Variants in ZNF341 observed in about 807,000 individuals in gnomAD.
ZNF341 encodes zinc finger protein 341.
In ZNF341, 52 loss-of-function variants were observed where a neutral mutation model predicts 87.7. The observed-to-expected ratio is 0.59, with a 90% CI of 0.47 to 0.75. ZNF341 has a LOEUF of 0.75. Ranked by LOEUF, ZNF341 falls within the 30% of genes least tolerant of loss-of-function variation. The probability of loss-of-function intolerance (pLI) is 0.00; values close to 1 mark genes in which losing one functional copy is unlikely to be tolerated. For missense variants in ZNF341, 977 were observed against 1,145.9 expected (o/e 0.85, Z 2.13); for synonymous variants, 459 against 472.7 (o/e 0.97, Z 0.38).
intron 10 of ZNF341, among the ~76,000 whole-genome samples, chr20:33,773,069 T>C (rs564591409): frequency 1.1e-3 from 166 of 152,248 alleles, no homozygotes; most frequent in African/African-American, 3.8e-3. Flanking sequence ...TGGAGTGAGA[T>C]GCCAAGTAAA....
At position 33,757,190 on chromosome 20, in the gene ZNF341, A is replaced by G; in HGVS notation, c.784A>G (p.Thr262Ala). Residue 262 changes from threonine to alanine, a missense_variant, in exon 6 of 15, where the codon ACA becomes GCA. Around this residue, in one of 3 missense-constraint regions of ZNF341, gnomAD observed 515 missense variants for 598.2 expected, o/e 0.86. Transcript: ENST00000375200. ...GGAGCCTCCAGTATATCCCACCCCC[A>G]CAGTGTACAGCCCTGGCAAACAGGG... ...CVEPPVYPTP[T>A]VYSPGKQGFK... The G allele has an allele frequency of 1.3e-6, 2 of 1,541,796 alleles. No individual in the cohort carries two copies. The highest frequency in any genetic ancestry group is 2.1e-5 in the Admixed American group (1 of 48,154).
At chr20:33,735,317 A>C (rs1372966824) in intron 1 of ZNF341, among the ~76,000 whole-genome samples, 3 of 152,158 alleles carry the variant, frequency 2.0e-5, no homozygotes, top group African/African-American at 7.2e-5. Flanking sequence ...GGCGTGAGGC[A>C]CTGTGTCCAG....
chr20:33,783,358 A>G (rs1285402064), intron 11 of ZNF341, among the ~76,000 whole-genome samples: 1 of 152,042 alleles, frequency 6.6e-6, no homozygotes, highest in African/African-American at 2.4e-5. Context: ...GCTGACTTAA[A>G]AGTGTGGGTG....
chr20:33,740,976 C>T lies in ZNF341; in HGVS notation c.106C>T (p.Gln36Ter). The change falls in exon 2 of 15, where the codon CAG becomes TAG. Residue 36 changes from glutamine to a stop codon, truncating the protein, a stop_gained. Transcript: ENST00000375200. LOFTEE classifies it high-confidence loss of function. The part of the protein sequence containing the change: ...GQGAVPDPTG[Q>*]SVNAPPAIQP... ...AGGAGCAGTCCCTGATCCGACAGGC[C>T]AGAGTGTCAATGCGCCCCCTGCTAT... is the stretch of plus-strand genomic sequence containing the variant. 6.2e-7 allele frequency: 1 copy of T among 1,614,164 alleles called. No homozygotes were observed. The highest frequency in any genetic ancestry group is 8.5e-7 in the Non-Finnish European group (1 of 1,180,038).
chr20:33,750,299 A>C (rs748318859), intron 4 of ZNF341, among the ~76,000 whole-genome samples: 18 of 152,110 alleles, frequency 1.2e-4, no homozygotes, highest in Non-Finnish European at 1.9e-4. Flanking sequence ...AAAGGAACCT[A>C]AGGTGGAGGT....
intron 11 of ZNF341, among the ~76,000 whole-genome samples, chr20:33,782,384 G>A (rs927893114): frequency 1.3e-5 from 2 of 152,086 alleles, no homozygotes; most frequent in Non-Finnish European, 2.9e-5. Context: ...GGTGTTCCCC[G>A]CAGTCTGGAT....
intron 3 of ZNF341, among the ~76,000 whole-genome samples, chr20:33,746,968 G>A (rs1330059235): frequency 6.6e-6 from 1 of 152,104 alleles, no homozygotes; most frequent in African/African-American, 2.4e-5. Flanking sequence ...TTAAACGGAG[G>A]CAGTGACAAA....
intron 9 of ZNF341, 135 bp from the exon 10 acceptor site, chr20:33,769,949 A>G: frequency 1.6e-6 from 1 of 630,956 alleles, no homozygotes; most frequent in Non-Finnish European, 2.8e-6. Context: ...CCTGGGATCC[A>G]GTAGCAGCAG....
chr20:33,732,239 C>T lies in ZNF341; in HGVS notation c.31+187C>T, dbSNP rs1328132846. On this transcript the variant is annotated intron_variant, in intron 1 of 14. Coordinates refer to ENST00000375200, the MANE Select transcript of ZNF341 (RefSeq NM_001282933.2). This position sits in a 1 kb window ranked among gnomAD's most constrained non-coding sequence, Gnocchi z 4.5. ...GAGCCGAGGCCCGGCGGGGGAGCTC[C>T]GGGGCCGGAACAGCCGGGGAGAGCC... Among the ~76,000 whole-genome samples, 31 of 149,912 alleles carry T rather than the reference C, an allele frequency of 2.1e-4. No homozygotes were observed. Among genetic ancestry groups the T allele is most frequent in the African/African-American group, 7.5e-4 (31 of 41,098 alleles).
At chr20:33,740,836 T>C in intron 1 of ZNF341, 66 bp from the exon 2 acceptor site, 1 of 1,482,962 alleles carries the variant, frequency 6.7e-7, no homozygotes, top group Non-Finnish European at 9.4e-7. Context: ...GGGTCTGGCT[T>C]GTAAGGGTGA....
At chr20:33,788,559 G>A (rs1273169466) in intron 12 of ZNF341, 11 of 416,940 alleles carry the variant, frequency 2.6e-5, no homozygotes, top group Admixed American at 1.8e-4. Flanking sequence ...CATCAGCACC[G>A]CCAAACGCAC....
intron 5 of ZNF341, among the ~76,000 whole-genome samples, chr20:33,754,831 A>G (rs2019141632): frequency 6.6e-6 from 1 of 152,182 alleles, no homozygotes; most frequent in Non-Finnish European, 1.5e-5. Context: ...GCTCCTCTAA[A>G]ATGGGAACTC....
intron 2 of ZNF341, among the ~76,000 whole-genome samples, chr20:33,743,813 A>C (rs1046219806): frequency 6.6e-6 from 1 of 152,234 alleles, no homozygotes; most frequent in African/African-American, 2.4e-5. Flanking sequence ...TTAGTTTTTC[A>C]TTCATTCAAC....
chr20:33,758,708 T>A lies in ZNF341; in HGVS notation c.938-8T>A, dbSNP rs1345139984. 6.2e-7 allele frequency: 1 copy of A among 1,612,316 alleles called. No individual in the cohort carries two copies. The highest frequency in any genetic ancestry group is 8.5e-7 in the Non-Finnish European group (1 of 1,179,118). On this transcript the variant is annotated splice_region_variant and splice_polypyrimidine_tract_variant and intron_variant, in intron 6 of 14. Coordinates refer to ENST00000375200, the MANE Select transcript of ZNF341 (RefSeq NM_001282933.2). ...CCTCATTGTCCCCTCCTTCCACTTG[T>A]CTTTCAGCTGCAGGGAAGCCAAAGG...
chr20:33,764,543 G>A (rs1233967616), intron 8 of ZNF341, among the ~76,000 whole-genome samples: 3 of 69,334 alleles, frequency 4.3e-5, no homozygotes, highest in Admixed American at 2.1e-4. Flanking sequence ...GTGTGTATGT[G>A]TATATATATA....
chr20:33,778,655 G>C (rs1230963773), intron 10 of ZNF341, among the ~76,000 whole-genome samples: 1 of 152,170 alleles, frequency 6.6e-6, no homozygotes, highest in Non-Finnish European at 1.5e-5. Flanking sequence ...TAGTTTCAGA[G>C]TGCGGTCTAT....
At chr20:33,776,572 G>C (rs1363227781) in intron 10 of ZNF341, among the ~76,000 whole-genome samples, 1 of 152,028 alleles carries the variant, frequency 6.6e-6, no homozygotes, top group African/African-American at 2.4e-5. Flanking sequence ...TTTTTATAAA[G>C]ATGGAATTTC....
intron 14 of ZNF341, 99 bp from the exon 15 acceptor site, chr20:33,790,889 G>C: frequency 7.2e-7 from 1 of 1,389,296 alleles, no homozygotes; most frequent in Non-Finnish European, 9.6e-7. Context: ...GATCACACAG[G>C]TGCTGGTGGG....
intron 7 of ZNF341, among the ~76,000 whole-genome samples, chr20:33,759,475 G>T (rs907780919): frequency 8.5e-5 from 13 of 152,148 alleles, no homozygotes; most frequent in Middle Eastern, 6.8e-3. Flanking sequence ...GTAGAGATGG[G>T]GTTTCTCCAT....
Sources: allele counts gnomAD v4.1 joint callset (sites outside exome capture counted in the v4.1 genomes callset), GRCh38; gene constraint gnomAD v4.1.1; regional missense constraint gnomAD v4.1.1; non-coding constraint Gnocchi (gnomAD v3.1); transcripts MANE v1.5; gene names NCBI Gene and HGNC (gene_info 2026-07-23, HGNC 2026-07-21).